COL13A1: variants seen among roughly 807,000 people sequenced by gnomAD.
COL13A1 encodes collagen alpha-1(XIII) chain.
In COL13A1, 89 loss-of-function variants were observed where a neutral mutation model predicts 130.9. The observed-to-expected ratio is 0.68, with a 90% CI of 0.57 to 0.81. The LOEUF (loss-of-function observed/expected upper bound fraction) is 0.81, where lower values mean the gene tolerates loss of function less well. COL13A1 is among the 30% of genes least tolerant of loss of function. The probability of loss-of-function intolerance (pLI) is 0.00; values close to 1 mark genes in which losing one functional copy is unlikely to be tolerated. For synonymous variants in COL13A1, 402 were observed against 341.6 expected, an observed-to-expected ratio of 1.18 and a Z score of -1.95; for missense variants, 879 against 934.6, an observed-to-expected ratio of 0.94 and a Z score of 0.78.
At chr10:69,854,026 A>G (rs1855717052) in intron 2 of COL13A1, among the ~76,000 whole-genome samples, 1 of 152,260 alleles carries the variant, frequency 6.6e-6, no homozygotes, top group Admixed American at 6.5e-5. Flanking sequence ...AGCAAAGCCA[A>G]ATGTAAAATC....
chr10:69,918,554 C>T (rs190023106), intron 19 of COL13A1, among the ~76,000 whole-genome samples: 9 of 152,340 alleles, frequency 5.9e-5, no homozygotes, highest in African/African-American at 2.2e-4. Context: ...CACTAGCCTG[C>T]CAATGCACCA....
Position 69,927,078 on chromosome 10 carries a change from G to GT in COL13A1, c.1399-3dup, listed in dbSNP as rs1477723348. The GT allele has an allele frequency of 6.2e-7, 1 of 1,613,836 alleles. No homozygotes were observed. The highest frequency in any genetic ancestry group is 1.7e-5 in the Admixed American group (1 of 60,020). On this transcript the variant is annotated splice_polypyrimidine_tract_variant and intron_variant, in intron 26 of 40. Coordinates refer to ENST00000645393, the MANE Select transcript of COL13A1 (RefSeq NM_001368882.1). ...CTCTTCAACTGATTGCCTGGTGTTG[G>GT]TTTTTTAGGAGATCCGGACGCTGGC... is the stretch of plus-strand genomic sequence containing the variant.
chr10:69,825,703 GGTGGGTGTGTTCTTCCTT>G (rs1344151968), intron 2 of COL13A1, among the ~76,000 whole-genome samples: 8 of 152,344 alleles, frequency 5.3e-5, no homozygotes, highest in African/African-American at 1.9e-4. Flanking sequence ...GGAGTCCTGC[GGTGGGTGTGTTCTTCCTT>G]GTGGCAGCCT....
intron 2 of COL13A1, among the ~76,000 whole-genome samples, chr10:69,827,689 T>C (rs72805132): frequency 6.6e-6 from 1 of 152,344 alleles, no homozygotes; most frequent in Admixed American, 6.5e-5. Context: ...TGGGTTGTAA[T>C]GGCCTCTCCA....
At chr10:69,811,381 C>G (rs1246593642) in intron 1 of COL13A1, among the ~76,000 whole-genome samples, 1 of 152,222 alleles carries the variant, frequency 6.6e-6, no homozygotes, top group Non-Finnish European at 1.5e-5. Flanking sequence ...CTCTTTAGCA[C>G]CAGGTCATGC....
chr10:69,953,106 C>T (rs2069923302), intron 39 of COL13A1, 138 bp downstream of exon 39: 1 of 576,784 alleles, frequency 1.7e-6, no homozygotes, highest in African/African-American at 2.0e-5. Flanking sequence ...GTTCATTTGA[C>T]TGGTGAAATT....
intron 5 of COL13A1, among the ~76,000 whole-genome samples, chr10:69,876,640 G>A (rs1171735054): frequency 1.3e-5 from 2 of 152,188 alleles, no homozygotes; most frequent in African/African-American, 2.4e-5. Context: ...GCCGTCACAG[G>A]CTCTGTACAG....
At chr10:69,898,813 G>T in intron 14 of COL13A1, 51 bp downstream of exon 14, 1 of 1,482,836 alleles carries the variant, frequency 6.7e-7, no homozygotes, top group Middle Eastern at 1.8e-4. Flanking sequence ...AAGGGGCCCG[G>T]CAAGCCTGCT....
intron 3 of COL13A1, among the ~76,000 whole-genome samples, chr10:69,869,326 C>A (rs568906891): frequency 7.0e-6 from 1 of 142,424 alleles, no homozygotes; most frequent in African/African-American, 2.6e-5. Flanking sequence ...GAGCCCTGAA[C>A]CTTTGCCCAG....
At chr10:69,811,427 G>A (rs931232046) in intron 1 of COL13A1, among the ~76,000 whole-genome samples, 1 of 152,204 alleles carries the variant, frequency 6.6e-6, no homozygotes, top group African/African-American at 2.4e-5. Context: ...GTCAGAAAGG[G>A]TGACCTCTCG....
At chr10:69,931,941 A>T (rs2135867197) in intron 30 of COL13A1, among the ~76,000 whole-genome samples, 1 of 152,250 alleles carries the variant, frequency 6.6e-6, no homozygotes, top group East Asian at 1.9e-4. Flanking sequence ...ATCTGGAGCT[A>T]GGGATCCCCT....
chr10:69,808,383 T>G (rs920838459), intron 1 of COL13A1, among the ~76,000 whole-genome samples: 2 of 152,204 alleles, frequency 1.3e-5, no homozygotes, highest in African/African-American at 4.8e-5. Context: ...TTCCTGTTGC[T>G]CTTCCTAGGT....
intron 3 of COL13A1, 130 bp downstream of exon 3, chr10:69,867,935 G>C (rs1589174848): frequency 1.5e-6 from 1 of 661,628 alleles, no homozygotes; most frequent in East Asian, 2.7e-5. Flanking sequence ...GGCTCCTGAG[G>C]GGTCCCTCCA....
chr10:69,886,165 G>A (rs1018314982), intron 7 of COL13A1, among the ~76,000 whole-genome samples: 2 of 152,096 alleles, frequency 1.3e-5, no homozygotes, highest in Non-Finnish European at 2.9e-5. Flanking sequence ...AGACATATTG[G>A]GCTCAAAAGC....
chr10:69,839,634 A>G (rs950145684), intron 2 of COL13A1, among the ~76,000 whole-genome samples: 1 of 152,234 alleles, frequency 6.6e-6, no homozygotes, highest in African/African-American at 2.4e-5. Flanking sequence ...AAGAGTGTCC[A>G]TGAGATAAAT....
At chr10:69,897,129 A>G (rs889783572) in intron 13 of COL13A1, among the ~76,000 whole-genome samples, 1 of 152,160 alleles carries the variant, frequency 6.6e-6, no homozygotes, top group Admixed American at 6.5e-5. Context: ...GGGTGCAGTG[A>G]AGCCTGACCT....
At chr10:69,892,685 A>T (rs1214149503) in intron 10 of COL13A1, among the ~76,000 whole-genome samples, 1 of 152,202 alleles carries the variant, frequency 6.6e-6, no homozygotes, top group Non-Finnish European at 1.5e-5. Context: ...ACCGGTGGCC[A>T]TGGCCCTTAA....
At chr10:69,864,377 A>G (rs1859190675) in intron 2 of COL13A1, among the ~76,000 whole-genome samples, 1 of 152,164 alleles carries the variant, frequency 6.6e-6, no homozygotes, top group African/African-American at 2.4e-5. Context: ...TTCTCCCTTA[A>G]ACCCTCATGT....
Position 69,930,089 on chromosome 10 carries a change from T to C in COL13A1, c.1530+2T>C. ...CCTCCAGGACACGATGGGGAAAAGGTATGAACAGACGTCCTCTGGTCAAAC... is the reference window on the plus strand; with the variant it reads ...CCTCCAGGACACGATGGGGAAAAGGCATGAACAGACGTCCTCTGGTCAAAC... On this transcript the variant is annotated splice_donor_variant, in intron 29 of 40. Transcript: ENST00000645393. LOFTEE classifies it high-confidence loss of function. 1.2e-6 allele frequency: 2 copies of C among 1,613,558 alleles called. No individual in the cohort carries two copies. The highest frequency in any genetic ancestry group is 1.7e-6 in the Non-Finnish European group (2 of 1,179,758).
Sources: gnomAD v4.1 joint callset for allele counts (sites outside exome capture counted in the v4.1 genomes callset) on GRCh38, gnomAD v4.1.1 for gene constraint, MANE v1.5 for transcripts, NCBI Gene and HGNC (gene_info 2026-07-23, HGNC 2026-07-21) for gene names.